The following ATP7B variants were observed in gnomAD, a reference collection of about 807,000 sequenced individuals.
ATP7B encodes copper-transporting ATPase 2.
A neutral mutation model predicts 118.9 loss-of-function variants in ATP7B; 113 were observed. The observed-to-expected ratio is 0.95, with a 90% CI of 0.82 to 1.11. The LOEUF is 1.11. Among genes scored for constraint, ATP7B ranks in the 50% most tolerant of loss-of-function variants. The pLI, the probability that ATP7B is intolerant of heterozygous loss-of-function variation, is 0.00. For missense variants in ATP7B, 1,867 were observed against 1,871.4 expected (o/e 1.00, Z 0.04); for synonymous variants, 777 against 727.4 (o/e 1.07, Z -1.10).
Position 51,937,535 on chromosome 13 carries a change from C to CA in ATP7B, c.3843dup (p.Val1282CysfsTer22), listed in dbSNP as rs1957043255. ...ACATCCGTGCCGGTGCCAATGGCCA[C>CA]ACCCATGTCTGCCTGGGCCAAGGCC... On this transcript the variant is annotated frameshift_variant, in exon 18 of 21. Transcript: ENST00000242839. LOFTEE classifies it high-confidence loss of function. 1.9e-6 allele frequency: 3 copies of CA among 1,614,256 alleles called. No individual in the cohort carries two copies. The highest frequency in any genetic ancestry group is 2.5e-6 in the Non-Finnish European group (3 of 1,180,044).
At chr13:51,959,773 C>T in intron 7 of ATP7B, 1 of 321,198 alleles carries the variant, frequency 3.1e-6, no homozygotes, top group South Asian at 2.9e-5. Flanking sequence ...GGCATGGGCT[C>T]AAGGGTGATC....
Position 51,950,011 on chromosome 13 carries a change from G to A in ATP7B, c.2726C>T (p.Ser909Leu). The A allele has an allele frequency of 1.2e-6, 2 of 1,614,144 alleles. No individual in the cohort carries two copies. The highest frequency in any genetic ancestry group is 2.2e-5 in the East Asian group (1 of 44,886). The change falls in exon 11 of 21, where the codon TCA becomes TTA. Residue 909 changes from serine to leucine, a missense_variant. Transcript: ENST00000242839. ...TTTTAAAAATTTCTTCATTACCTTT[G>A]ACATCTGAGCCTCTTCCACCAGTTT... ...IVKLVEEAQM[S>L]KAPIQQLADR...
At chr13:52,000,342 A>T (rs1321153589) in intron 1 of ATP7B, among the ~76,000 whole-genome samples, 1 of 152,216 alleles carries the variant, frequency 6.6e-6, no homozygotes, top group Non-Finnish European at 1.5e-5. Flanking sequence ...GCAGAAGAGC[A>T]AAGTGGCTCC....
intron 9 of ATP7B, among the ~76,000 whole-genome samples, chr13:51,955,146 C>T (rs546477860): frequency 4.6e-5 from 7 of 152,250 alleles, no homozygotes; most frequent in Admixed American, 2.0e-4. Context: ...GGCAGTTATG[C>T]GAGAACCTCT....
chr13:51,945,228 T>C (rs753784373), intron 13 of ATP7B, among the ~76,000 whole-genome samples: 2 of 152,162 alleles, frequency 1.3e-5, no homozygotes, highest in Admixed American at 1.3e-4. Flanking sequence ...GCTTCTAGGC[T>C]AACGTTCAGA....
At chr13:51,977,629 G>T (rs1441430344) in intron 1 of ATP7B, among the ~76,000 whole-genome samples, 1 of 152,122 alleles carries the variant, frequency 6.6e-6, no homozygotes, top group Non-Finnish European at 1.5e-5. Context: ...AATAACAATA[G>T]AGTATAGTAA....
rs1358420263 is a variant in ATP7B at position 51,978,394 on chromosome 13, C to A, written c.52-3226G>T. ...AAAGAAATGTAACATTCCAACCACA[C>A]TGGCACAGTCTTCCTACATTGCTAG... On this transcript the variant is annotated intron_variant, in intron 1 of 20. Coordinates refer to ENST00000242839, the MANE Select transcript of ATP7B (RefSeq NM_000053.4). 3.9e-5 allele frequency among the ~76,000 whole-genome samples: 6 copies of A among 152,186 alleles called. No individual in the cohort carries two copies. The South Asian group carries it at 1.0e-3, about 26-fold the overall frequency.
intron 9 of ATP7B, among the ~76,000 whole-genome samples, chr13:51,955,780 A>G (rs1247232705): frequency 6.6e-6 from 1 of 152,024 alleles, no homozygotes; most frequent in Non-Finnish European, 1.5e-5. Context: ...ATTAATTTAT[A>G]AGAGAAGAAA....
chr13:52,011,168 G>A, intron 1 of ATP7B, 119 bp downstream of exon 1: 1 of 1,423,112 alleles, frequency 7.0e-7, no homozygotes, highest in Non-Finnish European at 9.9e-7. Flanking sequence ...CCCTGGAGCT[G>A]GGGTCTGGCT....
intron 1 of ATP7B, among the ~76,000 whole-genome samples, chr13:52,010,473 C>A (rs1219529100): frequency 6.6e-6 from 1 of 152,188 alleles, no homozygotes; most frequent in Non-Finnish European, 1.5e-5. Flanking sequence ...AGAACGTCCA[C>A]CACTAGGAAA....
intron 1 of ATP7B, among the ~76,000 whole-genome samples, chr13:52,009,856 G>A (rs762551679): frequency 2.9e-4 from 44 of 152,214 alleles, no homozygotes; most frequent in Non-Finnish European, 6.0e-4. Flanking sequence ...TTGAATAAAT[G>A]TTGATAACAA....
chr13:51,957,087 T>A lies in ATP7B; in HGVS notation c.2447+429A>T, dbSNP rs549712762. Among the ~76,000 whole-genome samples, 82 of 152,290 alleles carry A rather than the reference T, an allele frequency of 5.4e-4. 1 individual carries two copies. Among genetic ancestry groups the A allele is most frequent in the South Asian group, 1.9e-3 (9 of 4,822 alleles). On this transcript the variant is annotated intron_variant, in intron 9 of 20. Coordinates refer to ENST00000242839, the MANE Select transcript of ATP7B (RefSeq NM_000053.4). ...AAGAGTTTCCAGGAATAATAATAAT[T>A]ATTATTTTTAATATCAGGCAACCTT...
At chr13:51,999,647 C>A (rs1953392178) in intron 1 of ATP7B, among the ~76,000 whole-genome samples, 1 of 152,174 alleles carries the variant, frequency 6.6e-6, no homozygotes, top group Non-Finnish European at 1.5e-5. Context: ...TGGCACCTTC[C>A]TGCAAAACTC....
At position 51,970,522 on chromosome 13, in the gene ATP7B, T is replaced by TA. The variant is rs1057516418; in HGVS notation, c.1512dup (p.Asn505Ter). 6.2e-7 allele frequency: 1 copy of TA among 1,614,200 alleles called. No individual in the cohort carries two copies. Among genetic ancestry groups the TA allele is most frequent in the Non-Finnish European group, 8.5e-7 (1 of 1,180,026 alleles). On this transcript the variant is annotated frameshift_variant, in exon 3 of 21. Transcript: ENST00000242839. LOFTEE classifies it high-confidence loss of function. ...TCTTTCTGCAGATTCCTTTCTATGT[T>TA]AGACACACAGGATGCACAGGTCATG...
intron 1 of ATP7B, among the ~76,000 whole-genome samples, chr13:52,006,089 C>A (rs1377029815): frequency 6.6e-6 from 1 of 152,212 alleles, no homozygotes; most frequent in East Asian, 1.9e-4. Context: ...CCCTTTATTT[C>A]GGCCCATCCC....
In ATP7B at chr13:51,954,174, G is replaced by C. The variant is rs34828379; in HGVS notation, c.2447+3342C>G. Among the ~76,000 whole-genome samples the C allele has an allele frequency of 3.3e-5, 5 of 152,346 alleles. No homozygotes were observed. In the East Asian group the frequency reaches 9.6e-4, roughly 29 times the overall value. On this transcript the variant is annotated intron_variant, in intron 9 of 20. Coordinates refer to ENST00000242839, the MANE Select transcript of ATP7B (RefSeq NM_000053.4). The stretch of plus-strand genomic sequence containing the variant: ...AAAGGTTAAGGAAGAAGGGAGTTCA[G>C]AGGGAAGGAAGGATGTGTGCAGAGG...
At chr13:51,946,262 G>C (rs757887853) in intron 13 of ATP7B, 22 bp downstream of exon 13, 5 of 1,559,018 alleles carry the variant, frequency 3.2e-6, no homozygotes, top group Non-Finnish European at 4.3e-6. Flanking sequence ...TCAGGATGGG[G>C]AAAGCCGTGC....
At chr13:51,965,303 G>A (rs1004956549) in intron 4 of ATP7B, among the ~76,000 whole-genome samples, 7 of 152,158 alleles carry the variant, frequency 4.6e-5, no homozygotes, top group African/African-American at 1.2e-4. Context: ...CTTGACTTCC[G>A]GCTCTGATAC....
At chr13:51,972,336 G>C (rs994799582) in intron 2 of ATP7B, among the ~76,000 whole-genome samples, 2 of 152,124 alleles carry the variant, frequency 1.3e-5, no homozygotes. Context: ...AGGGTGACTA[G>C]GAGACCCCTC....
Sources: gnomAD v4.1 joint callset for allele counts (sites outside exome capture counted in the v4.1 genomes callset) on GRCh38, gnomAD v4.1.1 for gene constraint, MANE v1.5 for transcripts, NCBI Gene and HGNC (gene_info 2026-07-23, HGNC 2026-07-21) for gene names.